RNF111: variants seen among roughly 807,000 people sequenced by gnomAD.
The protein encoded by RNF111 is E3 ubiquitin-protein ligase Arkadia.
A neutral mutation model predicts 95.1 loss-of-function variants in RNF111; 17 were observed. That is an observed-to-expected ratio of 0.18 (90% CI 0.12 to 0.27). The LOEUF is 0.27. RNF111 is among the 10% of genes least tolerant of loss of function. The probability of loss-of-function intolerance (pLI) is 1.00; values close to 1 mark genes in which losing one functional copy is unlikely to be tolerated. For synonymous variants in RNF111, 440 were observed against 414.8 expected (o/e 1.06, Z -0.74); for missense variants, 1,189 against 1,210.4 (o/e 0.98, Z 0.26).
chr15:59,021,921 C>T (rs530301835), intron 1 of RNF111, among the ~76,000 whole-genome samples: 23 of 152,102 alleles, frequency 1.5e-4, no homozygotes, highest in African/African-American at 5.3e-4. Flanking sequence ...AGTACAGTGA[C>T]GTGACCTCAC....
chr15:59,025,812 C>A (rs1277646926), intron 1 of RNF111, among the ~76,000 whole-genome samples: 1 of 151,940 alleles, frequency 6.6e-6, no homozygotes, highest in African/African-American at 2.4e-5. Context: ...CTCACCGCAA[C>A]CGCTGCCTTG....
At position 59,031,320 on chromosome 15, in the gene RNF111, C is replaced by T. The variant is rs770308265; in HGVS notation, c.498C>T (p.Ser166=). The change falls in exon 2 of 14, where the codon TCC becomes TCT. Residue 166 remains serine (S), a synonymous_variant. Transcript: ENST00000348370. ...DEDKEVSVRH[S]QTILNAKSRS... ...ATAAAGAAGTCTCTGTAAGACATTC[C>T]CAGACCATTTTGAATGCTAAAAGTA... The T allele has an allele frequency of 1.2e-6, 2 of 1,614,018 alleles. No individual in the cohort carries two copies. Among genetic ancestry groups the T allele is most frequent in the Non-Finnish European group, 1.7e-6 (2 of 1,179,984 alleles).
At chr15:59,026,511 G>A (rs2040618902) in intron 1 of RNF111, among the ~76,000 whole-genome samples, 1 of 152,214 alleles carries the variant, frequency 6.6e-6, no homozygotes, top group South Asian at 2.1e-4. Flanking sequence ...TATCTTGTAC[G>A]CATTTGCCTC....
chr15:59,043,491 C>T (rs1266725039), intron 2 of RNF111, among the ~76,000 whole-genome samples: 1 of 152,118 alleles, frequency 6.6e-6, no homozygotes, highest in African/African-American at 2.4e-5. Context: ...TTGGCTGGGC[C>T]CTGGTCCTGC....
intron 7 of RNF111, among the ~76,000 whole-genome samples, chr15:59,078,696 TA>T (rs2078643973): frequency 6.6e-6 from 1 of 151,708 alleles, no homozygotes; most frequent in Non-Finnish European, 1.5e-5. Context: ...CTGTCTCTAC[TA>T]AAAATTCAAA....
At chr15:59,063,922 C>G (rs1304687641) in intron 5 of RNF111, among the ~76,000 whole-genome samples, 3 of 152,096 alleles carry the variant, frequency 2.0e-5, no homozygotes, top group Non-Finnish European at 4.4e-5. Flanking sequence ...GGTTTTCAAC[C>G]TTTTTTTCCT....
intron 1 of RNF111, among the ~76,000 whole-genome samples, chr15:59,006,786 T>G (rs1466624584): frequency 6.6e-6 from 1 of 152,182 alleles, no homozygotes; most frequent in East Asian, 1.9e-4. Flanking sequence ...TTGTTTACAG[T>G]TATTTATTTT....
intron 5 of RNF111, among the ~76,000 whole-genome samples, chr15:59,062,702 C>T (rs575283025): frequency 1.3e-5 from 2 of 152,284 alleles, no homozygotes; most frequent in Admixed American, 6.5e-5. Context: ...GATTTTATTA[C>T]TCTTCTCATT....
At position 59,031,090 on chromosome 15, in the gene RNF111, G is replaced by A. The variant is rs776461113; in HGVS notation, c.268G>A (p.Val90Ile). ...GNQQEQEKSL[V>I]VRKKRKSQQA... ...CCAGCAAGAACAAGAAAAAAGTCTC[G>A]TTGTGAGGAAAAAACGCAAAAGCCA... The change falls in exon 2 of 14, where the codon GTT (valine) becomes ATT (isoleucine). Residue 90 changes from valine (V) to isoleucine (I), a missense_variant. Physicochemically the swap from Val to Ile is conservative, Grantham distance 29. Coordinates refer to ENST00000348370, the MANE Select transcript of RNF111 (RefSeq NM_017610.8). 4.3e-6 allele frequency: 7 copies of A among 1,614,058 alleles called. No individual in the cohort carries two copies. Among genetic ancestry groups the A allele is most frequent in the African/African-American group, 2.7e-5 (2 of 74,916 alleles).
chr15:59,081,599 G>T (rs752720216), intron 8 of RNF111, among the ~76,000 whole-genome samples: 1 of 151,970 alleles, frequency 6.6e-6, no homozygotes. Flanking sequence ...GCTCATTCCC[G>T]TAATCCCCAG....
intron 2 of RNF111, among the ~76,000 whole-genome samples, chr15:59,036,676 C>T (rs534449809): frequency 1.3e-5 from 2 of 152,032 alleles, no homozygotes; most frequent in Non-Finnish European, 2.9e-5. Flanking sequence ...CAAACCATAT[C>T]GGTGCATCAA....
intron 6 of RNF111, among the ~76,000 whole-genome samples, chr15:59,071,480 C>T (rs1283881314): frequency 1.3e-5 from 2 of 151,774 alleles, no homozygotes; most frequent in African/African-American, 4.8e-5. Context: ...CGCAAGAGTT[C>T]GAGACCACCC....
At chr15:59,012,436 C>T (rs8028764) in intron 1 of RNF111, among the ~76,000 whole-genome samples, 63,133 of 151,916 alleles carry the variant, frequency 0.42, 14,528 homozygotes, top group African/African-American at 0.62. Flanking sequence ...GTTTTCTTTA[C>T]GCTTTATGTC....
At chr15:59,089,567 T>C in intron 10 of RNF111, 100 bp from the exon 11 acceptor site, 1 of 882,026 alleles carries the variant, frequency 1.1e-6, no homozygotes, top group Non-Finnish European at 1.9e-6. Context: ...TTATGAGCAG[T>C]TGAATTGAAA....
chr15:59,010,323 G>A (rs2039739109), intron 1 of RNF111, among the ~76,000 whole-genome samples: 1 of 152,142 alleles, frequency 6.6e-6, no homozygotes, highest in African/African-American at 2.4e-5. Context: ...ATTGAGAAGA[G>A]CAAATTTCAT....
At chr15:59,094,437 T>G (rs1377171586) in intron 13 of RNF111, among the ~76,000 whole-genome samples, 1 of 152,198 alleles carries the variant, frequency 6.6e-6, no homozygotes, top group African/African-American at 2.4e-5. Context: ...ATGATTTGAT[T>G]TTTAAAAATA....
intron 2 of RNF111, among the ~76,000 whole-genome samples, chr15:59,036,947 C>T (rs1490099460): frequency 3.3e-5 from 5 of 151,972 alleles, no homozygotes; most frequent in Non-Finnish European, 5.9e-5. Context: ...CCTCCCACCT[C>T]AGCCTCCCTA....
intron 4 of RNF111, among the ~76,000 whole-genome samples, chr15:59,056,169 T>A (rs1180795804): frequency 6.6e-6 from 1 of 152,236 alleles, no homozygotes; most frequent in Non-Finnish European, 1.5e-5. Context: ...GTAGAAGCAG[T>A]ACTTTTTAAA....
intron 2 of RNF111, among the ~76,000 whole-genome samples, chr15:59,043,973 G>T (rs2041589257): frequency 6.6e-6 from 1 of 152,160 alleles, no homozygotes; most frequent in African/African-American, 2.4e-5. Context: ...GATGAGGCTA[G>T]ACATGCATAA....
Sources: allele counts gnomAD v4.1 joint callset (sites outside exome capture counted in the v4.1 genomes callset), GRCh38; gene constraint gnomAD v4.1.1; transcripts MANE v1.5; gene names NCBI Gene and HGNC (gene_info 2026-07-23, HGNC 2026-07-21).